INPP4B: variants seen among roughly 807,000 people sequenced by gnomAD.
INPP4B encodes the protein inositol polyphosphate 4-phosphatase type II.
A neutral mutation model predicts 122.5 loss-of-function variants in INPP4B; 55 were observed. The observed-to-expected ratio is 0.45, with a 90% CI of 0.36 to 0.56. The LOEUF (loss-of-function observed/expected upper bound fraction) is 0.56. Among genes scored for constraint, INPP4B ranks in the 20% least tolerant of loss-of-function variants. INPP4B has a pLI of 0.00. For missense variants in INPP4B, 1,000 were observed against 1,097.7 expected, an observed-to-expected ratio of 0.91 and a Z score of 1.26; for synonymous variants, 403 against 388.7, an observed-to-expected ratio of 1.04 and a Z score of -0.43.
intron 5 of INPP4B, among the ~76,000 whole-genome samples, chr4:142,420,417 A>G (rs1806626470): frequency 6.6e-6 from 1 of 152,062 alleles, no homozygotes; most frequent in African/African-American, 2.4e-5. Context: ...ACCAAATGTG[A>G]ATTTAAACCA....
At chr4:142,653,383 T>C (rs1010022191) in intron 2 of INPP4B, among the ~76,000 whole-genome samples, 3 of 152,108 alleles carry the variant, frequency 2.0e-5, no homozygotes, top group Admixed American at 6.5e-5. Context: ...GGGATCTAAT[T>C]AAACTAAAGA....
chr4:142,776,510 C>T (rs1773944624), intron 1 of INPP4B, among the ~76,000 whole-genome samples: 1 of 152,144 alleles, frequency 6.6e-6, no homozygotes, highest in African/African-American at 2.4e-5. Flanking sequence ...ATCATTTGCA[C>T]TGGCTTTCTT....
intron 7 of INPP4B, among the ~76,000 whole-genome samples, chr4:142,325,490 T>C (rs1466089304): frequency 6.6e-6 from 1 of 152,186 alleles, no homozygotes; most frequent in African/African-American, 2.4e-5. Context: ...GAGTGGGATA[T>C]GCTATCTTGG....
chr4:142,264,754 T>G (rs927110019), intron 10 of INPP4B, among the ~76,000 whole-genome samples: 3 of 152,232 alleles, frequency 2.0e-5, no homozygotes, highest in African/African-American at 7.2e-5. Context: ...TGTTATGGAC[T>G]GAACTGTGTC....
intron 11 of INPP4B, 34 bp from the exon 12 acceptor site, chr4:142,238,045 C>T: frequency 1.8e-6 from 2 of 1,130,506 alleles, no homozygotes; most frequent in East Asian, 4.9e-5. Context: ...TAGTTAAATT[C>T]TAAGCAAATG....
intron 2 of INPP4B, among the ~76,000 whole-genome samples, chr4:142,488,659 T>G (rs748927274): frequency 7.2e-5 from 11 of 152,232 alleles, no homozygotes; most frequent in Non-Finnish European, 1.2e-4. Context: ...ATTATAGAAT[T>G]TATTGGCCTA....
intron 15 of INPP4B, among the ~76,000 whole-genome samples, chr4:142,189,254 C>A (rs1249852039): frequency 6.6e-6 from 1 of 152,070 alleles, no homozygotes; most frequent in African/African-American, 2.4e-5. Flanking sequence ...GTAACCCCTG[C>A]TCTCTATATT....
intron 2 of INPP4B, among the ~76,000 whole-genome samples, chr4:142,601,742 C>A (rs71608491): frequency 6.6e-6 from 1 of 151,450 alleles, no homozygotes; most frequent in Non-Finnish European, 1.5e-5. Flanking sequence ...GGCTGAGGTG[C>A]GCAGATCATG....
At chr4:142,625,815 C>G (rs1226559217) in intron 2 of INPP4B, among the ~76,000 whole-genome samples, 2 of 152,100 alleles carry the variant, frequency 1.3e-5, no homozygotes, top group Non-Finnish European at 2.9e-5. Flanking sequence ...ACAGAGCCCT[C>G]AGAAATAATG....
intron 7 of INPP4B, chr4:142,317,481 A>G (rs1051657758): frequency 1.1e-5 from 3 of 281,680 alleles, no homozygotes; most frequent in Non-Finnish European, 2.2e-5. Flanking sequence ...GAAACTGAGT[A>G]TTCCAACGCG....
At chr4:142,276,294 C>T (rs1748369271) in intron 9 of INPP4B, among the ~76,000 whole-genome samples, 1 of 151,854 alleles carries the variant, frequency 6.6e-6, no homozygotes, top group South Asian at 2.1e-4. Context: ...TATTAAAAGT[C>T]CTTAGACATT....
chr4:142,615,253 A>G (rs185981805), intron 2 of INPP4B, among the ~76,000 whole-genome samples: 65 of 152,272 alleles, frequency 4.3e-4, no homozygotes, highest in Non-Finnish European at 5.9e-4. Flanking sequence ...GGTTTTATAC[A>G]TTTTAGAAAG....
chr4:142,040,034 G>T (rs184755076), intron 25 of INPP4B, among the ~76,000 whole-genome samples: 18 of 151,652 alleles, frequency 1.2e-4, no homozygotes, highest in Non-Finnish European at 1.8e-4. Context: ...TCCATTGCGG[G>T]TTGGGGGGGT....
At chr4:142,628,539 G>A (rs1747108204) in intron 2 of INPP4B, among the ~76,000 whole-genome samples, 1 of 114,924 alleles carries the variant, frequency 8.7e-6, no homozygotes, top group African/African-American at 3.3e-5. Context: ...ATGTGCACAT[G>A]TACCCTAAAA....
rs556541700 is a variant in INPP4B, at chr4:142,764,164, G to T, written c.-253-38263C>A. 7.9e-5 allele frequency among the ~76,000 whole-genome samples: 12 copies of T among 152,108 alleles called. No homozygotes were observed. The South Asian group carries it at 1.9e-3, about 24-fold the overall frequency. Reference sequence around the variant, plus strand: ...GTTAGACAAAATTACACATGCATATGCAATAAAAATATATAATTTACATCT... The same window carrying T: ...GTTAGACAAAATTACACATGCATATTCAATAAAAATATATAATTTACATCT... On this transcript the variant is annotated intron_variant, in intron 1 of 25. Transcript: ENST00000262992.
Position 142,028,735 on chromosome 4 carries a change from C to G in INPP4B, c.*47G>C. The G allele has an allele frequency of 6.4e-7, 1 of 1,559,298 alleles. No individual in the cohort carries two copies. The highest frequency in any genetic ancestry group is 8.7e-7 in the Non-Finnish European group (1 of 1,151,032). On this transcript the variant is annotated 3_prime_UTR_variant, in exon 26 of 26. Coordinates refer to ENST00000262992, the MANE Select transcript of INPP4B (RefSeq NM_001101669.3). ...CAAAAAAGACCAAGGTGAAGATTAT[C>G]CAACTGAAATGTATTTGTGTTCCTG...
intron 2 of INPP4B, among the ~76,000 whole-genome samples, chr4:142,682,718 A>G (rs1049876590): frequency 3.9e-5 from 6 of 151,938 alleles, no homozygotes; most frequent in African/African-American, 1.4e-4. Flanking sequence ...AGGGACTCTG[A>G]TCATGGGACT....
chr4:142,561,665 C>T (rs1280581557), intron 2 of INPP4B, among the ~76,000 whole-genome samples: 2 of 152,042 alleles, frequency 1.3e-5, no homozygotes, highest in Admixed American at 6.6e-5. Context: ...ATGATCCTCC[C>T]GCCTCGGCCT....
chr4:142,234,608 T>C (rs1422248922), intron 12 of INPP4B, among the ~76,000 whole-genome samples: 3 of 152,224 alleles, frequency 2.0e-5, no homozygotes. Context: ...AAATAAATTC[T>C]AATGATAGGA....
Sources: gnomAD v4.1 joint callset for allele counts (sites outside exome capture counted in the v4.1 genomes callset) on GRCh38, gnomAD v4.1.1 for gene constraint, MANE v1.5 for transcripts, NCBI Gene and HGNC (gene_info 2026-07-23, HGNC 2026-07-21) for gene names.